SIRPA: variants seen among roughly 807,000 people sequenced by gnomAD.
SIRPA encodes the protein tyrosine-protein phosphatase non-receptor type substrate 1.
In SIRPA, 9 loss-of-function variants were observed where a neutral mutation model predicts 50.3. The ratio of observed to expected loss-of-function variants is 0.18; its 90% CI spans 0.11 to 0.31. SIRPA has a LOEUF of 0.31. SIRPA is among the 10% of genes least tolerant of loss of function. The pLI, the probability that SIRPA is intolerant of heterozygous loss-of-function variation, is 1.00. For missense variants in SIRPA, 474 were observed against 661.6 expected (o/e 0.72, Z 3.11); for synonymous variants, 265 against 284.1 (o/e 0.93, Z 0.68).
rs1258031948 is a variant in SIRPA at position 1,927,307 on chromosome 20, A to G, written c.1202-568A>G. On this transcript the variant is annotated intron_variant, in intron 5 of 7. Coordinates refer to ENST00000358771, the MANE Select transcript of SIRPA (RefSeq NM_001040023.2). This position sits in a 1 kb window ranked among gnomAD's most constrained non-coding sequence, Gnocchi z 6.5. ...CACAGGTTTAAAACCTCTGAACCAG[A>G]TGGACACTTTCTTTCCTTCCAAGAT... Among the ~76,000 whole-genome samples the G allele has an allele frequency of 2.0e-5, 3 of 152,172 alleles. No homozygotes were observed. Among genetic ancestry groups the G allele is most frequent in the Admixed American group, 6.5e-5 (1 of 15,284 alleles).
At chr20:1,894,764 G>C (rs896713640), upstream of SIRPA, 1 of 147,960 alleles carries the variant, frequency 6.8e-6, no homozygotes, top group African/African-American at 2.4e-5. The surrounding 1 kb of genome is among the most constrained non-coding windows in gnomAD (Gnocchi z 4.0). Flanking sequence ...CCCTCCCCCG[G>C]GGCGCGCAGG....
At chr20:1,926,826 A>AC (rs1032491410) in intron 5 of SIRPA, among the ~76,000 whole-genome samples, 2 of 151,640 alleles carry the variant, frequency 1.3e-5, no homozygotes, top group African/African-American at 2.4e-5. Context: ...CCATAACTAG[A>AC]CCCCCCTTCT....
At chr20:1,929,319 A>C (rs1284977434) in intron 6 of SIRPA, among the ~76,000 whole-genome samples, 1 of 152,022 alleles carries the variant, frequency 6.6e-6, no homozygotes, top group East Asian at 1.9e-4. Flanking sequence ...CCTGGACCAA[A>C]GTGGTGGGAT....
At chr20:1,909,121 A>G (rs1600406906) in intron 1 of SIRPA, among the ~76,000 whole-genome samples, 2 of 152,364 alleles carry the variant, frequency 1.3e-5, no homozygotes, top group South Asian at 4.1e-4. Context: ...GGAGCCGGGT[A>G]TCACTGCAGC....
At chr20:1,896,319 C>T (rs902212409) in intron 1 of SIRPA, among the ~76,000 whole-genome samples, 1 of 152,222 alleles carries the variant, frequency 6.6e-6, no homozygotes, top group African/African-American at 2.4e-5. Context: ...CTACATCAAA[C>T]ACCTGGCTGT....
chr20:1,921,345 G>C, intron 2 of SIRPA, 50 bp from the exon 3 acceptor site: 3 of 1,609,660 alleles, frequency 1.9e-6, no homozygotes, highest in Non-Finnish European at 1.7e-6. Context: ...CTTATCGTTA[G>C]TGATTGTCAT....
At position 1,927,314 on chromosome 20, in the gene SIRPA, C is replaced by G. The variant is rs1442715250; in HGVS notation, c.1202-561C>G. Among the ~76,000 whole-genome samples the G allele has an allele frequency of 6.6e-6, 1 of 152,196 alleles. No homozygotes were observed. Among genetic ancestry groups the G allele is most frequent in the Non-Finnish European group, 1.5e-5 (1 of 68,030 alleles). On this transcript the variant is annotated intron_variant, in intron 5 of 7. Transcript: ENST00000358771. This position sits in a 1 kb window ranked among gnomAD's most constrained non-coding sequence, Gnocchi z 6.5. ...TTAAAACCTCTGAACCAGATGGACA[C>G]TTTCTTTCCTTCCAAGATCCTTTTT... is the stretch of plus-strand genomic sequence containing the variant.
chr20:1,913,546 G>A (rs1600415672), intron 1 of SIRPA, among the ~76,000 whole-genome samples: 1 of 152,126 alleles, frequency 6.6e-6, no homozygotes, highest in East Asian at 1.9e-4. Context: ...GTCAGGGCAG[G>A]ACAAGGTCAC....
Position 1,895,427 on chromosome 20 carries a change from C to T in SIRPA, c.-21C>T, listed in dbSNP as rs990899951. On this transcript the variant is annotated 5_prime_UTR_variant, in exon 1 of 8. Coordinates refer to ENST00000358771, the MANE Select transcript of SIRPA (RefSeq NM_001040023.2). ...CGCGCACTCACGGCCGCTCTCCCTC[C>T]TCGCTCCGCAGCCGCGGCCCATGGA... The T allele has an allele frequency of 2.6e-5, 36 of 1,385,588 alleles. No individual in the cohort carries two copies. The highest frequency in any genetic ancestry group is 6.1e-5 in the East Asian group (2 of 32,648). 85.8% of individuals were successfully genotyped at this position (1,385,588 alleles called of 1,614,324 possible).
intron 2 of SIRPA, among the ~76,000 whole-genome samples, chr20:1,918,592 G>A (rs188011765): frequency 3.3e-5 from 5 of 152,078 alleles, no homozygotes; most frequent in South Asian, 2.1e-4. Context: ...TGCGTAGAAC[G>A]TCGATAATTG....
At chr20:1,910,998 G>A (rs1984857478) in intron 1 of SIRPA, among the ~76,000 whole-genome samples, 1 of 152,016 alleles carries the variant, frequency 6.6e-6, no homozygotes, top group Non-Finnish European at 1.5e-5. Flanking sequence ...ACTCAATCAT[G>A]GCTAATCTTT....
At chr20:1,918,733 C>G (rs574356174) in intron 2 of SIRPA, among the ~76,000 whole-genome samples, 3 of 152,006 alleles carry the variant, frequency 2.0e-5, no homozygotes, top group African/African-American at 7.3e-5. Context: ...CCTCAGCTTC[C>G]CTGTCTATGA....
chr20:1,901,769 G>A lies in SIRPA; in HGVS notation c.79+6243G>A, dbSNP rs186292604. The stretch of plus-strand genomic sequence containing the variant: ...GTCTGTAAGATTTCCTGGCACATTC[G>A]TTCGGGGGCGCAGGGTGTTAGATGG... On this transcript the variant is annotated intron_variant, in intron 1 of 7. Coordinates refer to ENST00000358771, the MANE Select transcript of SIRPA (RefSeq NM_001040023.2). 6.6e-5 allele frequency among the ~76,000 whole-genome samples: 10 copies of A among 152,226 alleles called. No homozygotes were observed. The East Asian group carries it at 1.7e-3, about 26-fold the overall frequency.
At chr20:1,919,191 G>T (rs185453909) in intron 2 of SIRPA, among the ~76,000 whole-genome samples, 1 of 152,366 alleles carries the variant, frequency 6.6e-6, no homozygotes, top group Admixed American at 6.5e-5. Flanking sequence ...AATCTTGGCT[G>T]CTCTTTAGGA....
intron 1 of SIRPA, among the ~76,000 whole-genome samples, chr20:1,899,238 G>A (rs140765003): frequency 1.2e-3 from 189 of 151,522 alleles, no homozygotes; most frequent in African/African-American, 4.2e-3. Context: ...CAAAGCTGCC[G>A]TGAGGCCTGG....
In SIRPA at chr20:1,928,428, T is replaced by C. The variant is rs1242578344; in HGVS notation, c.1226+529T>C. Among the ~76,000 whole-genome samples, 3 of 152,186 alleles carry C rather than the reference T, an allele frequency of 2.0e-5. No homozygotes were observed. The highest frequency in any genetic ancestry group is 6.5e-5 in the Admixed American group (1 of 15,278). On this transcript the variant is annotated intron_variant, in intron 6 of 7. Coordinates refer to ENST00000358771, the MANE Select transcript of SIRPA (RefSeq NM_001040023.2). This position sits in a 1 kb window ranked among gnomAD's most constrained non-coding sequence, Gnocchi z 4.9. Reference sequence around the variant, plus strand: ...CACCGATGGCACTTTAGTTTGTTGATTCACATTTTTAGTGACTTGAGTCCC... The same window carrying C: ...CACCGATGGCACTTTAGTTTGTTGACTCACATTTTTAGTGACTTGAGTCCC...
intron 1 of SIRPA, among the ~76,000 whole-genome samples, chr20:1,899,621 T>A (rs1984044937): frequency 6.6e-6 from 1 of 152,188 alleles, no homozygotes; most frequent in Non-Finnish European, 1.5e-5. Context: ...CTTGTCTTCC[T>A]GTGTCTGAAT....
intron 1 of SIRPA, among the ~76,000 whole-genome samples, chr20:1,896,122 G>A (rs1483437809): frequency 6.6e-6 from 1 of 152,216 alleles, no homozygotes; most frequent in Non-Finnish European, 1.5e-5. Flanking sequence ...GCGAGCAACA[G>A]ATCCTTATGT....
chr20:1,931,865 G>C (rs140964504), intron 6 of SIRPA, among the ~76,000 whole-genome samples: 1 of 152,154 alleles, frequency 6.6e-6, no homozygotes, highest in Non-Finnish European at 1.5e-5. Flanking sequence ...CTGATCATTC[G>C]ATCAGCCATT....
Sources: gnomAD v4.1 joint callset for allele counts (sites outside exome capture counted in the v4.1 genomes callset) on GRCh38, gnomAD v4.1.1 for gene constraint, Gnocchi (gnomAD v3.1) non-coding constraint, MANE v1.5 for transcripts, NCBI Gene and HGNC (gene_info 2026-07-23, HGNC 2026-07-21) for gene names.